GLI1: variants seen among roughly 807,000 people sequenced by gnomAD.
GLI1 encodes the protein transcription activator GLI1.
A neutral mutation model predicts 87.8 loss-of-function variants in GLI1; 51 were observed. That is an observed-to-expected ratio of 0.58 (90% CI 0.46 to 0.73). The LOEUF is 0.73. Among genes scored for constraint, GLI1 ranks in the 30% least tolerant of loss-of-function variants. GLI1 has a pLI of 0.00. For missense variants in GLI1, 1,292 were observed against 1,437.2 expected, an observed-to-expected ratio of 0.90 and a Z score of 1.63; for synonymous variants, 528 against 558.2, an observed-to-expected ratio of 0.95 and a Z score of 0.76.
rs1871786590 is a variant in GLI1, at chr12:57,470,328, T to A, written c.1588T>A (p.Ser530Thr). The change falls in exon 12 of 12, where the codon TCC becomes ACC. Residue 530 changes from serine to threonine, a missense_variant. Physicochemically the swap from Ser to Thr is moderately conservative, Grantham distance 58. This residue lies in a region of GLI1 where 897 missense variants were observed against 1,040.7 expected (regional missense o/e 0.86). Transcript: ENST00000228682. Reference protein sequence around the residue: ...PSLSHTGTTVSRRVGPPVSLE... With the variant: ...PSLSHTGTTVTRRVGPPVSLE... ...CCCATCACTTGCAGGTACCACTGTGTCCCGCCGCGTGGGCCCCCCAGTCTC... is the reference window on the plus strand; with the variant it reads ...CCCATCACTTGCAGGTACCACTGTGACCCGCCGCGTGGGCCCCCCAGTCTC... 6.4e-7 allele frequency: 1 copy of A among 1,566,540 alleles called. No individual in the cohort carries two copies. Among genetic ancestry groups the A allele is most frequent in the Non-Finnish European group, 8.7e-7 (1 of 1,155,680 alleles).
At chr12:57,464,241 G>A (rs967113124) in intron 3 of GLI1, 150 bp downstream of exon 3, 9 of 654,844 alleles carry the variant, frequency 1.4e-5, no homozygotes, top group African/African-American at 3.6e-5. Flanking sequence ...AGATGGGGCC[G>A]GGCGCGGTGG....
At position 57,468,286 on chromosome 12, in the gene GLI1, G is replaced by A. The variant is rs1004290065; in HGVS notation, c.1308+62G>A. Reference sequence around the variant, plus strand: ...AGCCCACCCTGTGGACATCTTTCTAGTTACTTCCCAACCCATCCATTCCCT... The same window carrying A: ...AGCCCACCCTGTGGACATCTTTCTAATTACTTCCCAACCCATCCATTCCCT... On this transcript the variant is annotated intron_variant, in intron 10 of 11. Coordinates refer to ENST00000228682, the MANE Select transcript of GLI1 (RefSeq NM_005269.3). The A allele has an allele frequency of 4.7e-5, 51 of 1,081,760 alleles. 1 individual carries two copies. In the Middle Eastern group the frequency reaches 6.8e-4, roughly 14 times the overall value. The allele number at this position is 1,081,760 out of a possible 1,614,324, so 67.0% of individuals were successfully genotyped here. A position where few individuals can be genotyped will look rare whatever the true frequency, so the allele number is the denominator to read the frequency against.
At position 57,464,866 on chromosome 12, in the gene GLI1, GA is replaced by G; in HGVS notation, c.388del (p.Ser130AlafsTer10). The G allele has an allele frequency of 1.2e-6, 2 of 1,609,758 alleles. No homozygotes were observed. Among genetic ancestry groups the G allele is most frequent in the Non-Finnish European group, 1.7e-6 (2 of 1,176,112 alleles). The part of the protein sequence containing the change: ...SYGHLSIGTM[S>X]PSLGFPAQMN... ...ACGGTCATCTCTCCATTGGCACCAT[GA>G]GGTGCAGTCAGCCCCGGGCCAAGAG... On this transcript the variant is annotated frameshift_variant and splice_region_variant, in exon 4 of 12. Transcript: ENST00000228682. LOFTEE classifies it high-confidence loss of function.
chr12:57,461,773 C>T (rs899989262), intron 1 of GLI1, among the ~76,000 whole-genome samples: 14 of 143,014 alleles, frequency 9.8e-5, no homozygotes, highest in South Asian at 2.4e-4. Flanking sequence ...GCGGGGAAGG[C>T]GGGACCGGGA....
At chr12:57,467,309 CT>C in intron 8 of GLI1, 23 bp from the exon 9 acceptor site, 1 of 1,585,696 alleles carries the variant, frequency 6.3e-7, no homozygotes, top group South Asian at 1.1e-5. Flanking sequence ...GAGAACTATC[CT>C]TTGACCCCTG....
Position 57,470,691 on chromosome 12 carries a change from C to T in GLI1, c.1951C>T (p.Pro651Ser), listed in dbSNP as rs1871837367. The T allele has an allele frequency of 1.2e-6, 2 of 1,612,580 alleles. No homozygotes were observed. The highest frequency in any genetic ancestry group is 1.7e-6 in the Non-Finnish European group (2 of 1,179,288). ...AGCCCAGGCTGCTGACCGTCCTGCT[C>T]CAGCTAGAGTCCAGAGGTTCAAGAG... is the stretch of plus-strand genomic sequence containing the variant. ...DPAQAADRPA[P>S]ARVQRFKSLG... is the part of the protein sequence containing the mutation. The change falls in exon 12 of 12, where the codon CCA (proline) becomes TCA (serine). Residue 651 changes from proline (P) to serine (S), a missense_variant. Around this residue, in one of 3 missense-constraint regions of GLI1, gnomAD observed 897 missense variants for 1,040.7 expected, o/e 0.86. Coordinates refer to ENST00000228682, the MANE Select transcript of GLI1 (RefSeq NM_005269.3).
Position 57,471,977 on chromosome 12 carries a change from GC to G in GLI1, c.3243del (p.Asn1082ThrfsTer7). The part of the protein sequence containing the change: ...SSGHTPPPSG[P>X]PNMAVGNMSV... ...CTGGACATACCCCACCTCCCTCTGG[GC>G]CCCCCAACATGGCTGTGGGCAACAT... On this transcript the variant is annotated frameshift_variant, in exon 12 of 12. Transcript: ENST00000228682. LOFTEE classifies it high-confidence loss of function. The surrounding 1 kb of genome is among the most constrained non-coding windows in gnomAD (Gnocchi z 4.9). 6.3e-7 allele frequency: 1 copy of G among 1,592,288 alleles called. No individual in the cohort carries two copies. The highest frequency in any genetic ancestry group is 1.1e-5 in the South Asian group (1 of 88,268).
At chr12:57,464,533 A>G (rs1871347002) in intron 3 of GLI1, 140 bp from the exon 4 acceptor site, 1 of 630,894 alleles carries the variant, frequency 1.6e-6, no homozygotes, top group Non-Finnish European at 2.7e-6. Context: ...CTCAAAAAAA[A>G]AAAAAAAAAG....
chr12:57,461,776 G>T (rs1367356174), intron 1 of GLI1, among the ~76,000 whole-genome samples: 3 of 152,068 alleles, frequency 2.0e-5, no homozygotes, highest in Non-Finnish European at 4.4e-5. Flanking sequence ...GGGAAGGCGG[G>T]ACCGGGAGTA....
chr12:57,461,774 G>C (rs1871155123), intron 1 of GLI1, among the ~76,000 whole-genome samples: 1 of 152,070 alleles, frequency 6.6e-6, no homozygotes, highest in Admixed American at 6.5e-5. Flanking sequence ...CGGGGAAGGC[G>C]GGACCGGGAG....
Position 57,469,553 on chromosome 12 carries a change from CCT to C in GLI1, c.1435_1436del (p.Ser479GlnfsTer20). 1 of 1,614,214 alleles carries C rather than the reference CCT, an allele frequency of 6.2e-7. No homozygotes were observed. Among genetic ancestry groups the C allele is most frequent in the Non-Finnish European group, 8.5e-7 (1 of 1,180,040 alleles). ...GCAATGCAGGGGGCAGCACTGAAGA[CCT>C]CTCCAGCTTGGACGAGGGACCTTGC... ...TGNAGGSTED[L>X]SSLDEGPCIA... On this transcript the variant is annotated frameshift_variant, in exon 11 of 12. Coordinates refer to ENST00000228682, the MANE Select transcript of GLI1 (RefSeq NM_005269.3). LOFTEE classifies it high-confidence loss of function.
rs754449613 is a variant in GLI1 at position 57,471,647 on chromosome 12, A to G, written c.2907A>G (p.Pro969=). The G allele has an allele frequency of 9.3e-6, 15 of 1,612,706 alleles. No individual in the cohort carries two copies. Among genetic ancestry groups the G allele is most frequent in the South Asian group, 2.2e-5 (2 of 90,982 alleles). ...HKSGSYPTPS[P]CHENFVVGAN... ...CAGGTTCCTATCCCACCCCTTCACC[A>G]TGCCATGAAAATTTTGTAGTGGGGG... The change falls in exon 12 of 12, where the codon CCA becomes CCG. Residue 969 remains proline (P), a synonymous_variant. Transcript: ENST00000228682. This position sits in a 1 kb window ranked among gnomAD's most constrained non-coding sequence, Gnocchi z 4.9.
chr12:57,461,017 C>G (rs570588441), intron 1 of GLI1, among the ~76,000 whole-genome samples: 76 of 152,294 alleles, frequency 5.0e-4, no homozygotes, highest in African/African-American at 1.8e-3. Flanking sequence ...CCCGCCCAAA[C>G]GGGAGCTGGG....
chr12:57,471,146 G>A lies in GLI1; in HGVS notation c.2406G>A (p.Gln802=), dbSNP rs1410588505. The A allele has an allele frequency of 6.2e-7, 1 of 1,612,110 alleles. No homozygotes were observed. The highest frequency in any genetic ancestry group is 2.2e-5 in the East Asian group (1 of 44,854). The change falls in exon 12 of 12, where the codon CAG becomes CAA. Residue 802 remains glutamine (Q), a synonymous_variant. Coordinates refer to ENST00000228682, the MANE Select transcript of GLI1 (RefSeq NM_005269.3). This position sits in a 1 kb window ranked among gnomAD's most constrained non-coding sequence, Gnocchi z 4.9. ...GPKALGGTYS[Q]CPRLEHYGQV... ...AGGCTCTAGGTGGAACCTACAGCCA[G>A]TGTCCTCGACTTGAACATTATGGAC...
In GLI1 at chr12:57,471,265, C is replaced by A; in HGVS notation, c.2525C>A (p.Pro842Gln). Reference protein sequence around the residue: ...CLNAHPSEGPPHPQPLFSHYP... With the variant: ...CLNAHPSEGPQHPQPLFSHYP... The stretch of plus-strand genomic sequence containing the variant: ...AATGCCCACCCCAGTGAGGGGCCCC[C>A]ACATCCACAGCCTCTCTTTTCCCAT... The change falls in exon 12 of 12, where the codon CCA becomes CAA. Residue 842 changes from proline to glutamine, a missense_variant. By Grantham distance (76) the Pro-to-Gln change is moderately conservative. Around this residue, in one of 3 missense-constraint regions of GLI1, gnomAD observed 897 missense variants for 1,040.7 expected, o/e 0.86. Coordinates refer to ENST00000228682, the MANE Select transcript of GLI1 (RefSeq NM_005269.3). This position sits in a 1 kb window ranked among gnomAD's most constrained non-coding sequence, Gnocchi z 4.9. 1.2e-6 allele frequency: 2 copies of A among 1,600,268 alleles called. No homozygotes were observed. Among genetic ancestry groups the A allele is most frequent in the Non-Finnish European group, 8.5e-7 (1 of 1,172,968 alleles).
In GLI1 at chr12:57,468,086, C is replaced by G; in HGVS notation, c.1170C>G (p.Asp390Glu). 6.2e-7 allele frequency: 1 copy of G among 1,614,046 alleles called. No individual in the cohort carries two copies. The highest frequency in any genetic ancestry group is 8.5e-7 in the Non-Finnish European group (1 of 1,179,854). ...RKHVKTVHGPDAHVTKRHRGD... is the reference protein window; with the variant it reads ...RKHVKTVHGPEAHVTKRHRGD... Reference sequence around the variant, plus strand: ...ATGTCAAGACAGTGCATGGTCCTGACGCCCATGTGACCAAACGGCACCGTG... The same window carrying G: ...ATGTCAAGACAGTGCATGGTCCTGAGGCCCATGTGACCAAACGGCACCGTG... Residue 390 changes from aspartate (D) to glutamate (E), a missense_variant, in exon 10 of 12, where the codon GAC becomes GAG. This residue lies in a region of GLI1 where 897 missense variants were observed against 1,040.7 expected (regional missense o/e 0.86). Coordinates refer to ENST00000228682, the MANE Select transcript of GLI1 (RefSeq NM_005269.3).
chr12:57,464,175 C>G (rs1871323675), intron 3 of GLI1, 84 bp downstream of exon 3: 1 of 925,412 alleles, frequency 1.1e-6, no homozygotes, highest in Admixed American at 1.7e-5. Flanking sequence ...GGGGATCTCA[C>G]TTGGAGGAGG....
chr12:57,470,750 A>C lies in GLI1; in HGVS notation c.2010A>C (p.Ala670=). 6.2e-7 allele frequency: 1 copy of C among 1,613,218 alleles called. No individual in the cohort carries two copies. Among genetic ancestry groups the C allele is most frequent in the East Asian group, 2.2e-5 (1 of 44,870 alleles). Residue 670 remains alanine (A), a synonymous_variant, in exon 12 of 12, where the codon GCA becomes GCC. Transcript: ENST00000228682. ...LGCVHTPPTV[A]GGGQNFDPYL... ...GTGTCCATACCCCACCCACTGTGGC[A>C]GGGGGAGGACAGAACTTTGATCCTT...
chr12:57,470,856 G>A lies in GLI1; in HGVS notation c.2116G>A (p.Glu706Lys), dbSNP rs1255413507. Residue 706 changes from glutamate to lysine, a missense_variant, in exon 12 of 12, where the codon GAG becomes AAG. Coordinates refer to ENST00000228682, the MANE Select transcript of GLI1 (RefSeq NM_005269.3). The stretch of plus-strand genomic sequence containing the variant: ...CATGGATGCTAGAGGGCTACAGGAA[G>A]AGCCAGAAGTTGGGACCTCCATGGT... ...AAMDARGLQE[E>K]PEVGTSMVGS... The A allele has an allele frequency of 6.2e-7, 1 of 1,610,214 alleles. No individual in the cohort carries two copies. The highest frequency in any genetic ancestry group is 2.2e-5 in the East Asian group (1 of 44,878).
Sources: allele counts gnomAD v4.1 joint callset (sites outside exome capture counted in the v4.1 genomes callset), GRCh38; gene constraint gnomAD v4.1.1; regional missense constraint gnomAD v4.1.1; non-coding constraint Gnocchi (gnomAD v3.1); transcripts MANE v1.5; gene names NCBI Gene and HGNC (gene_info 2026-07-23, HGNC 2026-07-21).